Variants in PIGN observed in about 807,000 individuals in gnomAD.
PIGN encodes the protein GPI ethanolamine phosphate transferase 1.
PIGN carries 117 observed loss-of-function variants against 125.4 expected under a neutral mutation model. That is an observed-to-expected ratio of 0.93 (90% CI 0.80 to 1.09). PIGN has a LOEUF of 1.09. Among genes scored for constraint, PIGN ranks in the 50% least tolerant of loss-of-function variants. The pLI is 0.00. For missense variants in PIGN, 1,075 were observed against 1,094.9 expected, an observed-to-expected ratio of 0.98 and a Z score of 0.26; for synonymous variants, 392 against 377.8, an observed-to-expected ratio of 1.04 and a Z score of -0.44.
intron 14 of PIGN, among the ~76,000 whole-genome samples, chr18:62,129,541 T>A (rs1033692672): frequency 1.3e-5 from 2 of 152,216 alleles, no homozygotes; most frequent in Non-Finnish European, 2.9e-5. Flanking sequence ...ATCCCTCATC[T>A]GTGGGTTTGG....
intron 23 of PIGN, among the ~76,000 whole-genome samples, chr18:62,092,589 T>G (rs1278555435): frequency 6.6e-6 from 1 of 151,746 alleles, no homozygotes; most frequent in Admixed American, 6.6e-5. Flanking sequence ...ACCTAGAAAA[T>G]GCTTCTGAAA....
chr18:62,118,487 A>T (rs2035172574), intron 14 of PIGN: 2 of 152,174 alleles, frequency 1.3e-5, no homozygotes, highest in South Asian at 2.1e-4. Context: ...TACAAACTGT[A>T]ACTCTGAGGG....
At chr18:62,145,020 G>A (rs969309188) in intron 10 of PIGN, among the ~76,000 whole-genome samples, 3 of 149,046 alleles carry the variant, frequency 2.0e-5, no homozygotes, top group East Asian at 2.0e-4. Flanking sequence ...GGGGGGGGGG[G>A]GCAGGGTGGA....
chr18:62,082,418 T>G (rs2033489418), intron 28 of PIGN, among the ~76,000 whole-genome samples: 1 of 152,038 alleles, frequency 6.6e-6, no homozygotes, highest in Non-Finnish European at 1.5e-5. Flanking sequence ...TCTAGGGAGG[T>G]TCTTCACTAG....
chr18:62,073,472 G>A (rs899343323), intron 29 of PIGN, among the ~76,000 whole-genome samples: 1 of 152,102 alleles, frequency 6.6e-6, no homozygotes, highest in Non-Finnish European at 1.5e-5. Flanking sequence ...GGAGAGGTAA[G>A]AGAAGATGTC....
chr18:62,091,616 T>C (rs936207205), intron 23 of PIGN, among the ~76,000 whole-genome samples: 2 of 152,186 alleles, frequency 1.3e-5, no homozygotes, highest in Non-Finnish European at 2.9e-5. Context: ...CGGGGAATGA[T>C]TAAATGTGTG....
chr18:62,025,506 G>C (rs555435432), intron 23 of PIGN, among the ~76,000 whole-genome samples: 1 of 152,310 alleles, frequency 6.6e-6, no homozygotes, highest in South Asian at 2.1e-4. Context: ...AATAGCAAGA[G>C]ATGAAGCTGG....
intron 1 of PIGN, among the ~76,000 whole-genome samples, chr18:62,164,200 T>A (rs557522812): frequency 2.1e-3 from 317 of 152,306 alleles, no homozygotes; most frequent in African/African-American, 7.2e-3. Context: ...GTCATGTAGA[T>A]CCACTTAATT....
At chr18:62,178,455 A>C (rs968745046) in intron 1 of PIGN, among the ~76,000 whole-genome samples, 7 of 151,968 alleles carry the variant, frequency 4.6e-5, no homozygotes, top group African/African-American at 1.7e-4. Flanking sequence ...ACATTTACTA[A>C]AAATACACAA....
intron 1 of PIGN, among the ~76,000 whole-genome samples, chr18:62,165,906 GGGAGGTGA>G (rs2037116661): frequency 6.6e-6 from 1 of 152,162 alleles, no homozygotes; most frequent in Non-Finnish European, 1.5e-5. Context: ...AAAAGTAAAT[GGGAGGTGA>G]GGGAGTGAGA....
In PIGN at chr18:62,185,735, T is replaced by C. The variant is rs949910447; in HGVS notation, c.-236+1109A>G. Among the ~76,000 whole-genome samples the C allele has an allele frequency of 3.3e-5, 5 of 152,352 alleles. No homozygotes were observed. The South Asian group carries it at 1.0e-3, about 32-fold the overall frequency. On this transcript the variant is annotated intron_variant, in intron 1 of 30. Coordinates refer to ENST00000640252, the MANE Select transcript of PIGN (RefSeq NM_176787.5). ...TTGTGTGTGAAAAAAATAGGAGCCA[T>C]AAGAAATAGCAGTCTAATTGTATTG...
intron 1 of PIGN, among the ~76,000 whole-genome samples, chr18:62,172,632 A>G (rs918885839): frequency 6.6e-6 from 1 of 152,188 alleles, no homozygotes; most frequent in Non-Finnish European, 1.5e-5. Flanking sequence ...ATGCAAATGT[A>G]TATTTGCATT....
chr18:62,056,277 C>T (rs896422761), intron 30 of PIGN, among the ~76,000 whole-genome samples: 3 of 151,634 alleles, frequency 2.0e-5, no homozygotes, highest in African/African-American at 4.8e-5. Flanking sequence ...AACAGGACAA[C>T]GGAAGAGAAC....
intron 30 of PIGN, among the ~76,000 whole-genome samples, chr18:62,049,981 C>G (rs1458058328): frequency 6.6e-6 from 1 of 150,636 alleles, no homozygotes; most frequent in Non-Finnish European, 1.5e-5. Flanking sequence ...GCTTGTTTTT[C>G]TCAGGTTTGT....
intron 1 of PIGN, among the ~76,000 whole-genome samples, chr18:62,175,398 C>G (rs1483725276): frequency 6.6e-6 from 1 of 152,108 alleles, no homozygotes; most frequent in Non-Finnish European, 1.5e-5. Flanking sequence ...GTACTGACCC[C>G]AAAACTCAGA....
chr18:62,070,369 T>C (rs918545969), intron 30 of PIGN: 27 of 398,416 alleles, frequency 6.8e-5, no homozygotes, highest in Non-Finnish European at 9.7e-5. Flanking sequence ...ATCAATTTTC[T>C]ATGGAGTACC....
At position 62,163,673 on chromosome 18, in the gene PIGN, T is replaced by A. The variant is rs891036533; in HGVS notation, c.-235-17A>T. ...ATACTGTTTCTAGAACATAAAACAT[T>A]AAAAAAATTGTTAAAAAATTCACAT... On this transcript the variant is annotated splice_polypyrimidine_tract_variant and intron_variant, in intron 1 of 30. Transcript: ENST00000640252. 1 of 152,066 alleles carries A rather than the reference T, an allele frequency of 6.6e-6. No individual in the cohort carries two copies. The highest frequency in any genetic ancestry group is 1.5e-5 in the Non-Finnish European group (1 of 68,006). 9.4% of individuals were successfully genotyped at this position (152,066 alleles called of 1,614,324 possible).
At chr18:62,087,394 G>A (rs958308140) in intron 25 of PIGN, among the ~76,000 whole-genome samples, 2 of 152,154 alleles carry the variant, frequency 1.3e-5, no homozygotes, top group African/African-American at 2.4e-5. Flanking sequence ...GTACAACTTC[G>A]GCAGAGACAT....
At chr18:62,064,122 T>C (rs2032367068) in intron 30 of PIGN, among the ~76,000 whole-genome samples, 1 of 152,186 alleles carries the variant, frequency 6.6e-6, no homozygotes. Flanking sequence ...CAAGGCCCAG[T>C]TCAAATGCCA....
Sources: gnomAD v4.1 joint callset for allele counts (sites outside exome capture counted in the v4.1 genomes callset) on GRCh38, gnomAD v4.1.1 for gene constraint, MANE v1.5 for transcripts, NCBI Gene and HGNC (gene_info 2026-07-23, HGNC 2026-07-21) for gene names.